The following LDHB variants were observed in gnomAD, a reference collection of about 807,000 sequenced individuals.
LDHB encodes the protein lactate dehydrogenase B.
A neutral mutation model predicts 33.4 loss-of-function variants in LDHB; 18 were observed. The observed-to-expected ratio is 0.54, with a 90% CI of 0.37 to 0.80. LDHB has a LOEUF of 0.80. Among genes scored for constraint, LDHB ranks in the 30% least tolerant of loss-of-function variants. The probability of loss-of-function intolerance (pLI) is 0.00; values close to 1 mark genes in which losing one functional copy is unlikely to be tolerated. For missense variants in LDHB, 345 were observed against 407.9 expected, an observed-to-expected ratio of 0.85 and a Z score of 1.33; for synonymous variants, 121 against 140.6, an observed-to-expected ratio of 0.86 and a Z score of 0.98.
chr12:21,640,470 C>T (rs918189176), intron 5 of LDHB, among the ~76,000 whole-genome samples: 7 of 151,874 alleles, frequency 4.6e-5, no homozygotes, highest in African/African-American at 1.7e-4. Context: ...TCTCTTACTA[C>T]TTAAATAATT....
chr12:21,647,160 A>AAT (rs1238061061), intron 2 of LDHB, 144 bp from the exon 3 acceptor site: 1 of 637,536 alleles, frequency 1.6e-6, no homozygotes, highest in Admixed American at 2.6e-5. Flanking sequence ...TTAGATACTC[A>AAT]ATGAGGATTC....
chr12:21,650,909 G>T (rs1938672616), intron 2 of LDHB, among the ~76,000 whole-genome samples: 1 of 152,164 alleles, frequency 6.6e-6, no homozygotes, highest in South Asian at 2.1e-4. Context: ...TGCTCTGAAG[G>T]GCATAAGACA....
chr12:21,647,732 G>C (rs1228683111), intron 2 of LDHB, among the ~76,000 whole-genome samples: 2 of 152,024 alleles, frequency 1.3e-5, no homozygotes, highest in Non-Finnish European at 1.5e-5. Flanking sequence ...CGAGGCTGGA[G>C]TGTAGTGGTG....
At chr12:21,647,735 T>C (rs554797663) in intron 2 of LDHB, among the ~76,000 whole-genome samples, 25 of 152,146 alleles carry the variant, frequency 1.6e-4, no homozygotes, top group African/African-American at 6.0e-4. Flanking sequence ...GGCTGGAGTG[T>C]AGTGGTGCAA....
In LDHB at chr12:21,653,909, G is replaced by A. The variant is rs1323236473; in HGVS notation, c.129+634C>T. On this transcript the variant is annotated intron_variant, in intron 2 of 7. Coordinates refer to ENST00000350669, the MANE Select transcript of LDHB (RefSeq NM_002300.8). ...TAAAAGAGGGAAAGGGATCTTTGCA[G>A]TGGAGAAGGCTTGCTGTGACCACTT... 2.0e-5 allele frequency among the ~76,000 whole-genome samples: 3 copies of A among 152,204 alleles called. No homozygotes were observed. In the East Asian group the frequency reaches 5.8e-4, roughly 29 times the overall value.
At position 21,637,046 on chromosome 12, in the gene LDHB, T is replaced by C. The variant is rs200583510; in HGVS notation, c.837+25A>G. 8 of 1,566,704 alleles carry C rather than the reference T, an allele frequency of 5.1e-6. No homozygotes were observed. In the African/African-American group the frequency reaches 6.8e-5, roughly 13 times the overall value. On this transcript the variant is annotated intron_variant, in intron 7 of 7. Transcript: ENST00000350669. ...TAGAATACAATGCGAGAAATCATAT[T>C]ACATTTTGTGGTAGTTTGTCTTACC...
At chr12:21,651,581 A>G (rs1938692350) in intron 2 of LDHB, among the ~76,000 whole-genome samples, 1 of 152,162 alleles carries the variant, frequency 6.6e-6, no homozygotes, top group South Asian at 2.1e-4. Context: ...GGCACTTACT[A>G]TCTGTGTGAT....
intron 3 of LDHB, among the ~76,000 whole-genome samples, chr12:21,646,484 T>C (rs891257952): frequency 1.3e-5 from 2 of 152,156 alleles, no homozygotes; most frequent in African/African-American, 2.4e-5. Flanking sequence ...AATTGGCCTA[T>C]AGAAGAAACG....
At chr12:21,646,518 G>A (rs965565082) in intron 3 of LDHB, among the ~76,000 whole-genome samples, 3 of 152,114 alleles carry the variant, frequency 2.0e-5, no homozygotes, top group Non-Finnish European at 4.4e-5. Flanking sequence ...CAAACAATGC[G>A]ATAAATCCAA....
chr12:21,650,103 A>AAAATATAT (rs5796919), intron 2 of LDHB, among the ~76,000 whole-genome samples: 10 of 137,088 alleles, frequency 7.3e-5, no homozygotes, highest in East Asian at 6.2e-4. Flanking sequence ...AGAGAAAAAA[A>AAAATATAT]ATACACACAC....
chr12:21,645,245 G>A (rs917361598), intron 3 of LDHB, among the ~76,000 whole-genome samples: 7 of 81,932 alleles, frequency 8.5e-5, no homozygotes, highest in Admixed American at 2.5e-4. Context: ...ATGGAAGGCC[G>A]CAGGGACCTC....
chr12:21,638,492 G>A, intron 5 of LDHB, 22 bp from the exon 6 acceptor site: 25 of 1,340,408 alleles, frequency 1.9e-5, no homozygotes, highest in Non-Finnish European at 2.4e-5. Context: ...AAAAAAAAAA[G>A]ACATTGCAGT....
chr12:21,647,905 AAGGC>A (rs965249472), intron 2 of LDHB, among the ~76,000 whole-genome samples: 2 of 152,018 alleles, frequency 1.3e-5, no homozygotes, highest in African/African-American at 4.8e-5. Context: ...CCATGTTGCC[AAGGC>A]TGGTATCGAA....
intron 4 of LDHB, among the ~76,000 whole-genome samples, chr12:21,643,133 G>T (rs1355488702): frequency 6.6e-6 from 1 of 152,220 alleles, no homozygotes; most frequent in Non-Finnish European, 1.5e-5. Context: ...AATAACCTCT[G>T]TCCTTGCTGG....
At chr12:21,639,198 C>T (rs1938298294) in intron 5 of LDHB, among the ~76,000 whole-genome samples, 2 of 151,910 alleles carry the variant, frequency 1.3e-5, no homozygotes, top group Admixed American at 1.3e-4. Context: ...GATATTTTTA[C>T]AATTTTGATG....
intron 2 of LDHB, among the ~76,000 whole-genome samples, chr12:21,652,201 T>C (rs1938711056): frequency 1.3e-5 from 2 of 152,134 alleles, no homozygotes; most frequent in Non-Finnish European, 2.9e-5. Flanking sequence ...GTAAGAAAAA[T>C]CTCTAGCTAG....
Position 21,637,205 on chromosome 12 carries a change from TTA to T in LDHB, c.714-13_714-12del, listed in dbSNP as rs1355574372. Reference sequence around the variant, plus strand: ...ATGACTTCATAGGCACTTAAAAAAATTATAAAAGACATCACTGAAATAAGACT... The same window carrying T: ...ATGACTTCATAGGCACTTAAAAAAATTAAAAGACATCACTGAAATAAGACT... On this transcript the variant is annotated splice_polypyrimidine_tract_variant and intron_variant, in intron 6 of 7. Transcript: ENST00000350669. 1.3e-6 allele frequency: 2 copies of T among 1,582,664 alleles called. No individual in the cohort carries two copies. Among genetic ancestry groups the T allele is most frequent in the Admixed American group, 3.3e-5 (2 of 59,868 alleles).
Position 21,635,547 on chromosome 12 carries a change from G to C in LDHB, c.1000C>G (p.Leu334Val), listed in dbSNP as rs745906885. ...TACAGCCTAGAGCTCACTAGTCACA[G>C]GTCTTTTAGGTCCTTCTGGATGTCC... is the stretch of plus-strand genomic sequence containing the variant. Reference protein sequence around the residue: ...LWDIQKDLKDL With the variant: ...LWDIQKDLKDV The change falls in exon 8 of 8, where the codon CTG becomes GTG. Residue 334 changes from leucine (L) to valine (V), a missense_variant. Coordinates refer to ENST00000350669, the MANE Select transcript of LDHB (RefSeq NM_002300.8). The C allele has an allele frequency of 6.2e-7, 1 of 1,611,436 alleles. No homozygotes were observed. Among genetic ancestry groups the C allele is most frequent in the South Asian group, 1.1e-5 (1 of 90,998 alleles).
chr12:21,655,107 G>A (rs186448236), intron 1 of LDHB, among the ~76,000 whole-genome samples: 56 of 151,518 alleles, frequency 3.7e-4, no homozygotes, highest in Non-Finnish European at 6.5e-4. Flanking sequence ...GCAACAGAGC[G>A]ATTCCGTCTC....
Sources: allele counts gnomAD v4.1 joint callset (sites outside exome capture counted in the v4.1 genomes callset), GRCh38; gene constraint gnomAD v4.1.1; transcripts MANE v1.5; gene names NCBI Gene and HGNC (gene_info 2026-07-23, HGNC 2026-07-21).